Variants in KCNK13 observed in about 807,000 individuals in gnomAD.
The protein encoded by KCNK13 is potassium channel subfamily K member 13.
Under a neutral mutation model 23.4 loss-of-function variants are expected in KCNK13, and 12 were observed. That is an observed-to-expected ratio of 0.51 (90% CI 0.33 to 0.83). The LOEUF (loss-of-function observed/expected upper bound fraction) is 0.83, where lower values mean the gene tolerates loss of function less well. Ranked by LOEUF, KCNK13 falls within the 40% of genes least tolerant of loss-of-function variation. The pLI is 0.02. For synonymous variants in KCNK13, 231 were observed against 229.5 expected, an observed-to-expected ratio of 1.01 and a Z score of -0.06; for missense variants, 463 against 556.3, an observed-to-expected ratio of 0.83 and a Z score of 1.69.
intron 1 of KCNK13, among the ~76,000 whole-genome samples, chr14:90,160,121 T>G (rs1244414372): frequency 1.3e-5 from 2 of 152,192 alleles, no homozygotes; most frequent in Non-Finnish European, 2.9e-5. Flanking sequence ...GAAATTACTT[T>G]TCTTGTGAGG....
intron 1 of KCNK13, among the ~76,000 whole-genome samples, chr14:90,101,916 T>G (rs1307796463): frequency 6.6e-6 from 1 of 151,358 alleles, no homozygotes. Flanking sequence ...GGAGTTTTGC[T>G]CTCGTTGCCC....
At chr14:90,128,995 T>TTGTTTA (rs1889836291) in intron 1 of KCNK13, among the ~76,000 whole-genome samples, 1 of 152,066 alleles carries the variant, frequency 6.6e-6, no homozygotes, top group Non-Finnish European at 1.5e-5. Context: ...ACTGGGTAAT[T>TTGTTTA]ATCATTCTTT....
intron 1 of KCNK13, among the ~76,000 whole-genome samples, chr14:90,090,305 A>C (rs1271425149): frequency 1.3e-5 from 2 of 152,178 alleles, no homozygotes; most frequent in Non-Finnish European, 2.9e-5. Context: ...GAGTCAAAGG[A>C]GATAATTTTG....
At chr14:90,149,760 T>C (rs2140432760) in intron 1 of KCNK13, among the ~76,000 whole-genome samples, 1 of 152,244 alleles carries the variant, frequency 6.6e-6, no homozygotes. Flanking sequence ...GCTAGGGTCA[T>C]GGTGATGGAA....
intron 1 of KCNK13, among the ~76,000 whole-genome samples, chr14:90,147,920 C>T (rs1392275540): frequency 6.6e-6 from 1 of 152,140 alleles, no homozygotes; most frequent in Non-Finnish European, 1.5e-5. Context: ...CCTGTAATCC[C>T]AGCACTTTGG....
chr14:90,145,265 C>A (rs142397306), intron 1 of KCNK13, among the ~76,000 whole-genome samples: 1 of 151,352 alleles, frequency 6.6e-6, no homozygotes, highest in Non-Finnish European at 1.5e-5. Flanking sequence ...TGGTGGTGCG[C>A]GCCTGTAGTC....
chr14:90,123,551 G>A (rs1889763223), intron 1 of KCNK13, among the ~76,000 whole-genome samples: 2 of 152,182 alleles, frequency 1.3e-5, no homozygotes, highest in Non-Finnish European at 2.9e-5. Context: ...GAAATTTGGG[G>A]TGGACACAAT....
intron 1 of KCNK13, among the ~76,000 whole-genome samples, chr14:90,092,676 TC>T (rs1230597751): frequency 6.6e-6 from 1 of 152,000 alleles, no homozygotes; most frequent in Non-Finnish European, 1.5e-5. Flanking sequence ...ATGCCTATAA[TC>T]CCAACACTTT....
intron 1 of KCNK13, among the ~76,000 whole-genome samples, chr14:90,087,570 T>C (rs1311614351): frequency 2.6e-5 from 4 of 152,144 alleles, no homozygotes; most frequent in Non-Finnish European, 4.4e-5. Context: ...TGATAGAGCA[T>C]TCATCCACTT....
chr14:90,132,365 G>C lies in KCNK13; in HGVS notation c.335-51746G>C, dbSNP rs572376685. On this transcript the variant is annotated intron_variant, in intron 1 of 1. Transcript: ENST00000282146. Reference sequence around the variant, plus strand: ...TTGAGACCAGCCTGGCCAACATGGCGAAACCCCGTCTCTACTAAAAATACA... The same window carrying C: ...TTGAGACCAGCCTGGCCAACATGGCCAAACCCCGTCTCTACTAAAAATACA... Among the ~76,000 whole-genome samples the C allele has an allele frequency of 5.4e-4, 82 of 152,224 alleles. 3 individuals carry two copies. In the South Asian group the frequency reaches 0.016, roughly 30 times the overall value.
At chr14:90,141,117 G>C (rs937003671) in intron 1 of KCNK13, among the ~76,000 whole-genome samples, 3 of 152,190 alleles carry the variant, frequency 2.0e-5, no homozygotes, top group African/African-American at 7.2e-5. Context: ...CCTGCTAGCA[G>C]CCCTTCCTCC....
rs1325475583 is a variant in KCNK13, at chr14:90,062,568, A to ACCTCCGGGCGGCCTCCACTT, written c.334+38_334+57dup. On this transcript the variant is annotated intron_variant, in intron 1 of 1. Transcript: ENST00000282146. This position sits in a 1 kb window ranked among gnomAD's most constrained non-coding sequence, Gnocchi z 4.5. Reference sequence around the variant, plus strand: ...AGTGTGCTGGCCGGACTCGCTGACAACCTCCGGGCGGCCTCCACTTCCTCC... The same window carrying ACCTCCGGGCGGCCTCCACTT: ...AGTGTGCTGGCCGGACTCGCTGACAACCTCCGGGCGGCCTCCACTTCCTCCGGGCGGCCTCCACTTCCTCC... The ACCTCCGGGCGGCCTCCACTT allele has an allele frequency of 3.5e-6, 5 of 1,416,860 alleles. No individual in the cohort carries two copies. Among genetic ancestry groups the ACCTCCGGGCGGCCTCCACTT allele is most frequent in the Non-Finnish European group, 4.6e-6 (5 of 1,077,520 alleles). 87.8% of individuals were successfully genotyped at this position (1,416,860 alleles called of 1,614,324 possible).
intron 1 of KCNK13, among the ~76,000 whole-genome samples, chr14:90,139,623 A>G (rs17223887): frequency 0.16 from 24,599 of 152,144 alleles, 2,268 homozygotes; most frequent in South Asian, 0.29. Flanking sequence ...TTACTCTGAC[A>G]CTGGGAGGAA....
In KCNK13 at chr14:90,064,339, CCA is replaced by C. The variant is rs1489110299; in HGVS notation, c.334+1801_334+1802del. ...CATGAAAAACCATCTCTTGGTGCTC[CCA>C]GTGGGCACAGAGGCAGGAAGGAGCA... On this transcript the variant is annotated intron_variant, in intron 1 of 1. Coordinates refer to ENST00000282146, the MANE Select transcript of KCNK13 (RefSeq NM_022054.4). 3.5e-5 allele frequency among the ~76,000 whole-genome samples: 4 copies of C among 115,410 alleles called. No homozygotes were observed. In the Admixed American group the frequency reaches 4.0e-4, roughly 12 times the overall value. The allele number at this position is 115,410 out of a possible 152,430, so 75.7% of individuals were successfully genotyped here.
At chr14:90,136,270 G>C (rs776819051) in intron 1 of KCNK13, among the ~76,000 whole-genome samples, 7 of 152,134 alleles carry the variant, frequency 4.6e-5, no homozygotes, top group Non-Finnish European at 7.3e-5. Flanking sequence ...ATGGTCCCTG[G>C]TCTATTTTAC....
chr14:90,065,933 T>A (rs1194042619), intron 1 of KCNK13, among the ~76,000 whole-genome samples: 1 of 152,112 alleles, frequency 6.6e-6, no homozygotes, highest in Non-Finnish European at 1.5e-5. Flanking sequence ...ATTCTTAATA[T>A]CAGAAACGAG....
At chr14:90,087,154 A>ATATATTT (rs1282261147) in intron 1 of KCNK13, among the ~76,000 whole-genome samples, 1 of 107,650 alleles carries the variant, frequency 9.3e-6, no homozygotes, top group Non-Finnish European at 1.8e-5. Context: ...ATATATATAT[A>ATATATTT]TTTTTTTTTT....
At chr14:90,096,441 A>G (rs1410608334) in intron 1 of KCNK13, among the ~76,000 whole-genome samples, 2 of 152,244 alleles carry the variant, frequency 1.3e-5, no homozygotes, top group Non-Finnish European at 2.9e-5. Context: ...GTATTTTACA[A>G]TATCACAGGT....
intron 1 of KCNK13, among the ~76,000 whole-genome samples, chr14:90,141,488 G>A (rs1021824402): frequency 2.0e-5 from 3 of 151,740 alleles, no homozygotes; most frequent in East Asian, 1.9e-4. Context: ...ATAGAGTTTC[G>A]CTCTCGTTGC....
Sources: gnomAD v4.1 joint callset for allele counts (sites outside exome capture counted in the v4.1 genomes callset) on GRCh38, gnomAD v4.1.1 for gene constraint, Gnocchi (gnomAD v3.1) non-coding constraint, MANE v1.5 for transcripts, NCBI Gene and HGNC (gene_info 2026-07-23, HGNC 2026-07-21) for gene names.